The following DIP2B variants were observed in gnomAD, a reference collection of about 807,000 sequenced individuals.
DIP2B encodes the protein DIP2 acetate--CoA ligase B (putative), also known as disco-interacting protein 2 homolog B.
Under a neutral mutation model 198.0 loss-of-function variants are expected in DIP2B, and 76 were observed. The ratio of observed to expected loss-of-function variants is 0.38; its 90% CI spans 0.32 to 0.46. The LOEUF (loss-of-function observed/expected upper bound fraction) is 0.46, where lower values mean the gene tolerates loss of function less well. DIP2B is among the 20% of genes least tolerant of loss of function. The probability of loss-of-function intolerance (pLI) is 0.99; values close to 1 mark genes in which losing one functional copy is unlikely to be tolerated. For missense variants in DIP2B, 1,559 were observed against 1,978.4 expected (o/e 0.79, Z 4.02); for synonymous variants, 701 against 739.1 (o/e 0.95, Z 0.84).
intron 1 of DIP2B, among the ~76,000 whole-genome samples, chr12:50,541,010 C>T (rs1156421136): frequency 6.6e-6 from 1 of 152,044 alleles, no homozygotes; most frequent in African/African-American, 2.4e-5. Context: ...ATAGTTTCTT[C>T]AATGCACTTA....
chr12:50,660,182 T>A lies in DIP2B; in HGVS notation c.302-12T>A, dbSNP rs78788593. The A allele has an allele frequency of 7.5e-4, 1,195 of 1,601,926 alleles. 15 individuals are homozygous for A. The East Asian group carries it at 0.025, about 33-fold the overall frequency. On this transcript the variant is annotated splice_polypyrimidine_tract_variant and intron_variant, in intron 3 of 37. Coordinates refer to ENST00000301180, the MANE Select transcript of DIP2B (RefSeq NM_173602.3). ...GCCGGAAGCTAATAAATGCAAATGT[T>A]TGCTTTTTCAGATATCCACACAGAA...
In DIP2B at chr12:50,686,022, A is replaced by C. The variant is rs1939124368; in HGVS notation, c.1441+66A>C. 8.7e-6 allele frequency: 13 copies of C among 1,495,728 alleles called. No individual in the cohort carries two copies. In the South Asian group the frequency reaches 1.2e-4, roughly 14 times the overall value. The allele number at this position is 1,495,728 out of a possible 1,614,324, so 92.7% of individuals were successfully genotyped here. On this transcript the variant is annotated intron_variant, in intron 11 of 37. Transcript: ENST00000301180. ...ACTGAGTGCTTTAATTAGCTTTTTAATTTAGTAATAGCTAGGTACTTTACA... is the reference window on the plus strand; with the variant it reads ...ACTGAGTGCTTTAATTAGCTTTTTACTTTAGTAATAGCTAGGTACTTTACA...
intron 1 of DIP2B, among the ~76,000 whole-genome samples, chr12:50,568,704 C>T (rs934641480): frequency 3.9e-5 from 6 of 152,108 alleles, no homozygotes; most frequent in Admixed American, 6.6e-5. Flanking sequence ...CAGCTAGTGG[C>T]TTATTTTATT....
intron 25 of DIP2B, 59 bp from the exon 26 acceptor site, chr12:50,721,214 T>C (rs1939830004): frequency 3.1e-6 from 5 of 1,588,566 alleles, no homozygotes; most frequent in Non-Finnish European, 4.3e-6. Flanking sequence ...TTGGCTGTGC[T>C]TATTACTGTT....
intron 5 of DIP2B, among the ~76,000 whole-genome samples, chr12:50,673,980 C>G (rs1214657082): frequency 6.6e-6 from 1 of 151,984 alleles, no homozygotes; most frequent in Non-Finnish European, 1.5e-5. Flanking sequence ...GTTTTTTCAT[C>G]TGGAAACTTG....
rs754989293 is a variant in DIP2B, at chr12:50,704,191, C to T, written c.2377C>T (p.Arg793Ter). 2 of 1,611,228 alleles carry T rather than the reference C, an allele frequency of 1.2e-6. No homozygotes were observed. The highest frequency in any genetic ancestry group is 1.7e-6 in the Non-Finnish European group (2 of 1,179,482). Residue 793 changes from arginine to a stop codon, truncating the protein, a stop_gained, in exon 20 of 38, where the codon CGA becomes TGA. Transcript: ENST00000301180. LOFTEE classifies it high-confidence loss of function. ...TCCTGTTGGGGATGTGCCATTCATC[C>T]GATCAGGATTGCTGGGGTTTGTAGG... is the stretch of plus-strand genomic sequence containing the variant. ...GSPVGDVPFI[R>*]SGLLGFVGPG... is the part of the protein sequence containing the mutation.
chr12:50,739,736 G>C, intron 36 of DIP2B, 150 bp downstream of exon 36: 2 of 1,044,490 alleles, frequency 1.9e-6, no homozygotes, highest in East Asian at 5.3e-5. Context: ...TCTTCATTTG[G>C]AGTCATGCCT....
At chr12:50,512,129 T>C (rs1270311816) in intron 1 of DIP2B, among the ~76,000 whole-genome samples, 38 of 123,916 alleles carry the variant, frequency 3.1e-4, no homozygotes, top group African/African-American at 1.0e-3. Flanking sequence ...TTTTTTGAGA[T>C]AGAGTCTTGC....
intron 4 of DIP2B, 118 bp downstream of exon 4, chr12:50,660,437 G>GT (rs1274495108): frequency 8.4e-7 from 1 of 1,189,832 alleles, no homozygotes; most frequent in Non-Finnish European, 1.1e-6. Flanking sequence ...TTAGAGGAAT[G>GT]TAAGAGAACA....
chr12:50,742,306 A>G (rs1592151125), intron 37 of DIP2B, among the ~76,000 whole-genome samples: 2 of 144,754 alleles, frequency 1.4e-5, no homozygotes, highest in East Asian at 4.4e-4. Flanking sequence ...CTGAGGTGGG[A>G]GGATCACTTG....
rs532881004 is a variant in DIP2B, at chr12:50,533,713, A to G, written c.100+28473A>G. On this transcript the variant is annotated intron_variant, in intron 1 of 37. Coordinates refer to ENST00000301180, the MANE Select transcript of DIP2B (RefSeq NM_173602.3). The stretch of plus-strand genomic sequence containing the variant: ...AACCTCTACCTCTTGGGCTCAAGCA[A>G]TCCTCCCGCCTCAGCCTCCCAAGTG... 3.3e-5 allele frequency among the ~76,000 whole-genome samples: 5 copies of G among 151,858 alleles called. No homozygotes were observed. In the East Asian group the frequency reaches 7.8e-4, roughly 24 times the overall value.
intron 3 of DIP2B, among the ~76,000 whole-genome samples, chr12:50,642,489 G>A (rs1428411097): frequency 1.3e-5 from 2 of 152,048 alleles, no homozygotes; most frequent in African/African-American, 4.8e-5. Context: ...GAAGGGAATA[G>A]AAGTATTTAC....
At chr12:50,593,751 C>T (rs866047714) in intron 1 of DIP2B, among the ~76,000 whole-genome samples, 1 of 708 alleles carries the variant, frequency 1.4e-3, no homozygotes, top group African/African-American at 8.2e-3. Context: ...CTCTCCCCTC[C>T]CCTCCCCTCC....
chr12:50,543,117 A>G (rs1268091494), intron 1 of DIP2B, among the ~76,000 whole-genome samples: 1 of 151,578 alleles, frequency 6.6e-6, no homozygotes, highest in Non-Finnish European at 1.5e-5. Flanking sequence ...CAAGCGATTC[A>G]CTCACCTCAG....
At chr12:50,692,892 A>C (rs1487440610) in intron 13 of DIP2B, 57 bp from the exon 14 acceptor site, 8 of 1,464,534 alleles carry the variant, frequency 5.5e-6, no homozygotes, top group Non-Finnish European at 7.5e-6. Context: ...AAGTGACATA[A>C]TTTTGCTACT....
chr12:50,733,850 T>C (rs543799548), intron 32 of DIP2B, among the ~76,000 whole-genome samples: 1 of 152,364 alleles, frequency 6.6e-6, no homozygotes, highest in African/African-American at 2.4e-5. Flanking sequence ...ATCATAGCCC[T>C]CTTGCTGTCA....
chr12:50,513,199 G>A (rs1463463634), intron 1 of DIP2B, among the ~76,000 whole-genome samples: 1 of 152,150 alleles, frequency 6.6e-6, no homozygotes, highest in East Asian at 1.9e-4. Flanking sequence ...GTAGAATAAG[G>A]TTATATATGA....
chr12:50,528,095 G>T (rs1234369338), intron 1 of DIP2B, among the ~76,000 whole-genome samples: 1 of 151,836 alleles, frequency 6.6e-6, no homozygotes, highest in Non-Finnish European at 1.5e-5. Flanking sequence ...GCCCAGCTAG[G>T]TTTAAATTTT....
At chr12:50,613,821 T>G (rs1376743382) in intron 1 of DIP2B, among the ~76,000 whole-genome samples, 1 of 152,212 alleles carries the variant, frequency 6.6e-6, no homozygotes, top group Non-Finnish European at 1.5e-5. Context: ...AGAATTCTTT[T>G]CAGATGTCTA....
Sources: allele counts gnomAD v4.1 joint callset (sites outside exome capture counted in the v4.1 genomes callset), GRCh38; gene constraint gnomAD v4.1.1; transcripts MANE v1.5; gene names NCBI Gene and HGNC (gene_info 2026-07-23, HGNC 2026-07-21).